LGSN: variants seen among roughly 807,000 people sequenced by gnomAD.
LGSN encodes lengsin, lens protein with glutamine synthetase domain, also known as lengsin.
In LGSN, 21 loss-of-function variants were observed where a neutral mutation model predicts 19.5. That is an observed-to-expected ratio of 1.07 (90% CI 0.76 to 1.55). The LOEUF is 1.55. Among genes scored for constraint, LGSN ranks in the 40% most tolerant of loss-of-function variants. The pLI is 0.00. For synonymous variants in LGSN, 257 were observed against 215.6 expected, an observed-to-expected ratio of 1.19 and a Z score of -1.68; for missense variants, 673 against 608.5, an observed-to-expected ratio of 1.11 and a Z score of -1.12.
At chr6:63,344,252 C>A in the LGSN span, among the ~76,000 whole-genome samples, 4 of 152,190 alleles carry the variant, frequency 2.6e-5, no homozygotes, top group Non-Finnish European at 5.9e-5. Context: ...TAGAAATAAG[C>A]ATGGCTTGGA....
chr6:63,347,843 CA>C, the LGSN span, among the ~76,000 whole-genome samples: 3 of 152,104 alleles, frequency 2.0e-5, no homozygotes, highest in African/African-American at 7.2e-5. Context: ...TTTAAAAATC[CA>C]AAATGCTTGC....
chr6:63,317,760 TAC>T (rs1389771058), intron 1 of LGSN, among the ~76,000 whole-genome samples: 1 of 152,116 alleles, frequency 6.6e-6, no homozygotes, highest in Non-Finnish European at 1.5e-5. Flanking sequence ...CCCCAACAGA[TAC>T]AGGCTGCAGA....
chr6:63,569,666 GAC>G, the LGSN span, among the ~76,000 whole-genome samples: 1 of 152,192 alleles, frequency 6.6e-6, no homozygotes, highest in Non-Finnish European at 1.5e-5. Context: ...TGAGGTTAAG[GAC>G]ACATGTTTTG....
Position 63,285,576 on chromosome 6 carries a change from GTAAAAC to G in LGSN, c.330+5_330+10del. The stretch of plus-strand genomic sequence containing the variant: ...TGAAATTACATTTAGTCACAACTGT[GTAAAAC>G]TCACTTGAAAAAAGTGTGCAGGGAT... On this transcript the variant is annotated splice_donor_5th_base_variant and intron_variant, in intron 3 of 3. Coordinates refer to ENST00000370657, the MANE Select transcript of LGSN (RefSeq NM_016571.3). The G allele has an allele frequency of 6.2e-7, 1 of 1,607,296 alleles. No homozygotes were observed. The highest frequency in any genetic ancestry group is 8.5e-7 in the Non-Finnish European group (1 of 1,174,430).
the LGSN span, among the ~76,000 whole-genome samples, chr6:63,434,267 C>T: frequency 8.4e-5 from 12 of 143,536 alleles, no homozygotes; most frequent in Middle Eastern, 4.1e-3. Flanking sequence ...GGTGAAACTC[C>T]GTCCCTACTA....
the LGSN span, among the ~76,000 whole-genome samples, chr6:63,564,544 ACTGT>A: frequency 6.6e-6 from 1 of 152,208 alleles, no homozygotes; most frequent in Non-Finnish European, 1.5e-5. Flanking sequence ...TGCTTAGGTC[ACTGT>A]CTGTCTGGAT....
chr6:63,453,535 C>T, the LGSN span, among the ~76,000 whole-genome samples: 3 of 151,612 alleles, frequency 2.0e-5, no homozygotes, highest in Non-Finnish European at 4.4e-5. Flanking sequence ...CTTCATTACC[C>T]CTGGTAATAT....
the LGSN span, among the ~76,000 whole-genome samples, chr6:63,413,223 A>G: frequency 6.6e-6 from 1 of 152,158 alleles, no homozygotes; most frequent in East Asian, 1.9e-4. Context: ...ATCTATTATT[A>G]TTTGACATGT....
At chr6:63,446,433 CA>C in the LGSN span, among the ~76,000 whole-genome samples, 1 of 152,092 alleles carries the variant, frequency 6.6e-6, no homozygotes, top group Non-Finnish European at 1.5e-5. Context: ...TTAAGAACTT[CA>C]CACCCGATAT....
At chr6:63,572,331 C>T in the LGSN span, 1 of 258,478 alleles carries the variant, frequency 3.9e-6, no homozygotes, top group East Asian at 6.8e-5. Context: ...CGGTTCACAC[C>T]GGCGGCGGCC....
At chr6:63,530,289 A>C in the LGSN span, among the ~76,000 whole-genome samples, 5 of 152,344 alleles carry the variant, frequency 3.3e-5, no homozygotes, top group Non-Finnish European at 7.3e-5. Context: ...ACCTTGTAAG[A>C]GGACAGCTGT....
chr6:63,395,936 C>A, the LGSN span: 1 of 154,246 alleles, frequency 6.5e-6, no homozygotes, highest in South Asian at 2.0e-4. Flanking sequence ...GGAGAGTGTT[C>A]GGGGTCCCCT....
chr6:63,441,701 C>T, the LGSN span: 1 of 441,284 alleles, frequency 2.3e-6, no homozygotes, highest in East Asian at 5.8e-5. Context: ...CAAGCGGGAG[C>T]AGATCATACC....
chr6:63,526,748 G>A, the LGSN span, among the ~76,000 whole-genome samples: 7 of 146,084 alleles, frequency 4.8e-5, no homozygotes, highest in Admixed American at 1.4e-4. Flanking sequence ...GCAGTGAGTC[G>A]AGATCACACC....
At chr6:63,539,236 A>C in the LGSN span, among the ~76,000 whole-genome samples, 2 of 152,336 alleles carry the variant, frequency 1.3e-5, no homozygotes, top group Admixed American at 6.5e-5. Context: ...TCTAACCTGT[A>C]GAATTTGTTT....
chr6:63,446,137 C>T, the LGSN span, among the ~76,000 whole-genome samples: 2 of 150,492 alleles, frequency 1.3e-5, no homozygotes, highest in African/African-American at 4.9e-5. Context: ...GTAGTCCCAA[C>T]TACTCAGGAG....
At chr6:63,385,095 C>T in the LGSN span, among the ~76,000 whole-genome samples, 1 of 152,120 alleles carries the variant, frequency 6.6e-6, no homozygotes, top group African/African-American at 2.4e-5. Flanking sequence ...GAAGCTCAGC[C>T]TGTGGTATTT....
intron 1 of LGSN, among the ~76,000 whole-genome samples, chr6:63,308,959 G>A (rs562926583): frequency 6.6e-5 from 10 of 152,212 alleles, no homozygotes; most frequent in South Asian, 2.1e-4. Context: ...AAAAATATCC[G>A]TACCTATTAA....
the LGSN span, among the ~76,000 whole-genome samples, chr6:63,487,125 G>T: frequency 2.3e-4 from 35 of 151,642 alleles, no homozygotes; most frequent in Admixed American, 9.2e-4. Flanking sequence ...GTGAGCCACC[G>T]TGCCTGGCCT....
Sources: allele counts gnomAD v4.1 joint callset (sites outside exome capture counted in the v4.1 genomes callset), GRCh38; gene constraint gnomAD v4.1.1; transcripts MANE v1.5; gene names NCBI Gene and HGNC (gene_info 2026-07-23, HGNC 2026-07-21).